STAT6: variants seen among roughly 807,000 people sequenced by gnomAD.
STAT6 encodes the protein signal transducer and activator of transcription 6, also known as STAT, interleukin4-induced.
In STAT6, 45 loss-of-function variants were observed where a neutral mutation model predicts 106.3. The ratio of observed to expected loss-of-function variants is 0.42; its 90% CI spans 0.33 to 0.54. The LOEUF (loss-of-function observed/expected upper bound fraction) is 0.54, where lower values mean the gene tolerates loss of function less well. Ranked by LOEUF, STAT6 falls within the 20% of genes least tolerant of loss-of-function variation. STAT6 has a pLI of 0.06. For synonymous variants in STAT6, 413 were observed against 413.6 expected (o/e 1.00, Z 0.02); for missense variants, 797 against 1,062.2 (o/e 0.75, Z 3.47).
chr12:57,107,659 C>G lies in STAT6; in HGVS notation c.201G>C (p.Ser67=), dbSNP rs765943522. 1.9e-6 allele frequency: 3 copies of G among 1,614,152 alleles called. No homozygotes were observed. Among genetic ancestry groups the G allele is most frequent in the East Asian group, 2.2e-5 (1 of 44,882 alleles). Residue 67 remains serine (S), a synonymous_variant, in exon 3 of 22, where the codon TCG becomes TCC. Coordinates refer to ENST00000300134, the MANE Select transcript of STAT6 (RefSeq NM_003153.5). ...LSDTVQHLQA[S]VGEQGEGSTI... ...TGCTCCCCTCCCCCTGCTCTCCCAC[C>G]GAGGCCTGAAGGTGCTGGACAGTGT...
At chr12:57,100,718 GAAAGAAAGAA>G (rs2033855400) in intron 13 of STAT6, 1 of 105,524 alleles carries the variant, frequency 9.5e-6, no homozygotes, top group African/African-American at 5.0e-5. Flanking sequence ...AAGAAAGAAA[GAAAGAAAGAA>G]AGAAAGAAAG....
chr12:57,099,990 A>G lies in STAT6; in HGVS notation c.1607+6T>C, dbSNP rs1370391318. 1 of 1,613,744 alleles carries G rather than the reference A, an allele frequency of 6.2e-7. No individual in the cohort carries two copies. The highest frequency in any genetic ancestry group is 1.3e-5 in the African/African-American group (1 of 74,916). The stretch of plus-strand genomic sequence containing the variant: ...GCTGCTCAGACTACCCAGGGTGGGG[A>G]CTCACCGGTCAGACCAGTAGCTCCG... On this transcript the variant is annotated splice_donor_region_variant and intron_variant, in intron 14 of 21. Coordinates refer to ENST00000300134, the MANE Select transcript of STAT6 (RefSeq NM_003153.5). The surrounding 1 kb of genome is among the most constrained non-coding windows in gnomAD (Gnocchi z 4.7).
intron 17 of STAT6, 39 bp downstream of exon 17, chr12:57,098,976 A>G (rs2033641504): frequency 1.2e-6 from 2 of 1,613,910 alleles, no homozygotes; most frequent in East Asian, 4.5e-5. Flanking sequence ...ATAAGCACTA[A>G]GCCCCTGACC....
At position 57,096,377 on chromosome 12, in the gene STAT6, G is replaced by T; in HGVS notation, c.*195C>A. 5 of 603,956 alleles carry T rather than the reference G, an allele frequency of 8.3e-6. No individual in the cohort carries two copies. Among genetic ancestry groups the T allele is most frequent in the Non-Finnish European group, 1.5e-5 (5 of 344,582 alleles). 37.4% of individuals were successfully genotyped at this position (603,956 alleles called of 1,614,324 possible). A position where few individuals can be genotyped will look rare whatever the true frequency, so the allele number is the denominator to read the frequency against. ...GCTGGAAGGAGGTGGGCAGGGGAATGATAGAAAGGAAGGAGTGGATTGGCT... is the reference window on the plus strand; with the variant it reads ...GCTGGAAGGAGGTGGGCAGGGGAATTATAGAAAGGAAGGAGTGGATTGGCT... On this transcript the variant is annotated 3_prime_UTR_variant, in exon 22 of 22. Transcript: ENST00000300134.
intron 11 of STAT6, chr12:57,104,174 G>T: frequency 2.5e-6 from 1 of 400,934 alleles, no homozygotes; most frequent in Non-Finnish European, 4.6e-6. Context: ...TAATGTTATT[G>T]TGAAAACCAG....
chr12:57,110,531 A>G (rs1446803724), intron 1 of STAT6: 2 of 152,210 alleles, frequency 1.3e-5, no homozygotes, highest in Admixed American at 6.5e-5. Flanking sequence ...TGAGTTGCCC[A>G]ATGCGTGAAT....
chr12:57,107,453 G>A, intron 3 of STAT6, 139 bp from the exon 4 acceptor site: 2 of 1,314,866 alleles, frequency 1.5e-6, no homozygotes, highest in Non-Finnish European at 2.1e-6. Context: ...GCATTTGCAT[G>A]CTTTTAAAAT....
intron 11 of STAT6, chr12:57,103,218 G>A (rs745401745): frequency 7.9e-5 from 18 of 226,948 alleles, no homozygotes; most frequent in Admixed American, 3.7e-4. Context: ...AGGCTGGAGT[G>A]CAGTGGCGCG....
At position 57,105,272 on chromosome 12, in the gene STAT6, G is replaced by A. The variant is rs1208473672; in HGVS notation, c.880C>T (p.Arg294Ter). Residue 294 changes from arginine to a stop codon, truncating the protein, a stop_gained, in exon 9 of 22, where the codon CGA (arginine) becomes TGA (stop). Coordinates refer to ENST00000300134, the MANE Select transcript of STAT6 (RefSeq NM_003153.5). LOFTEE classifies it high-confidence loss of function. ...AGGAACCTCAAGCCCAACAGGAATC[G>A]AACTCCAGCCTGGAACTTGGTCTGA... ...KTQTKFQAGV[R>*]FLLGLRFLGA... 1.9e-6 allele frequency: 3 copies of A among 1,614,144 alleles called. No homozygotes were observed. The highest frequency in any genetic ancestry group is 2.5e-6 in the Non-Finnish European group (3 of 1,180,026).
chr12:57,105,267 G>A lies in STAT6; in HGVS notation c.885C>T (p.Phe295=), dbSNP rs1044356890. Residue 295 remains phenylalanine (F), a synonymous_variant, in exon 9 of 22, where the codon TTC becomes TTT. Coordinates refer to ENST00000300134, the MANE Select transcript of STAT6 (RefSeq NM_003153.5). Reference sequence around the variant, plus strand: ...CCCCCAGGAACCTCAAGCCCAACAGGAATCGAACTCCAGCCTGGAACTTGG... The same window carrying A: ...CCCCCAGGAACCTCAAGCCCAACAGAAATCGAACTCCAGCCTGGAACTTGG... ...TQTKFQAGVR[F]LLGLRFLGAP... 6.2e-7 allele frequency: 1 copy of A among 1,614,010 alleles called. No individual in the cohort carries two copies. The highest frequency in any genetic ancestry group is 8.5e-7 in the Non-Finnish European group (1 of 1,180,026).
Position 57,110,730 on chromosome 12 carries a change from G to C in STAT6, c.-22+399C>G, listed in dbSNP as rs538929518. Among the ~76,000 whole-genome samples, 3 of 152,230 alleles carry C rather than the reference G, an allele frequency of 2.0e-5. No homozygotes were observed. In the South Asian group the frequency reaches 6.2e-4, roughly 32 times the overall value. On this transcript the variant is annotated intron_variant, in intron 1 of 21. Transcript: ENST00000300134. ...TTGCTCACGCCCCAGCCACACCCTT[G>C]AACAGGAACCTTTAGTGGAGGGCAG...
At chr12:57,100,680 GAA>G (rs1175094167) in intron 13 of STAT6, among the ~76,000 whole-genome samples, 59 of 56,512 alleles carry the variant, frequency 1.0e-3, no homozygotes, top group East Asian at 1.7e-3. Context: ...AAGAAAGAAA[GAA>G]AGAAAGAAAG....
rs537533513 is a variant in STAT6 at position 57,096,552 on chromosome 12, G to C, written c.*20C>G. On this transcript the variant is annotated 3_prime_UTR_variant, in exon 22 of 22. Coordinates refer to ENST00000300134, the MANE Select transcript of STAT6 (RefSeq NM_003153.5). ...GGGTAGTAGAAGAGCTGTCTCTTTGGGTTCTCCCTCCAGCTGGGATCACCA... is the reference window on the plus strand; with the variant it reads ...GGGTAGTAGAAGAGCTGTCTCTTTGCGTTCTCCCTCCAGCTGGGATCACCA... 1.3e-6 allele frequency: 2 copies of C among 1,556,920 alleles called. No individual in the cohort carries two copies. The highest frequency in any genetic ancestry group is 1.7e-6 in the Non-Finnish European group (2 of 1,154,842).
At position 57,108,210 on chromosome 12, in the gene STAT6, G is replaced by A. The variant is rs772021515; in HGVS notation, c.69C>T (p.Pro23=). The A allele has an allele frequency of 9.9e-6, 16 of 1,612,928 alleles. No homozygotes were observed. The highest frequency in any genetic ancestry group is 2.2e-5 in the East Asian group (1 of 44,898). The change falls in exon 2 of 22, where the codon CCC becomes CCT. Residue 23 remains proline, a synonymous_variant. Transcript: ENST00000300134. ...CACCCAGAAGATGCCGCAGGTGTTG[G>A]GGAAAGTCGACATAGAGCCGCTGCA... is the stretch of plus-strand genomic sequence containing the variant. ...EKVQRLYVDF[P]QHLRHLLGDW...
intron 5 of STAT6, 27 bp from the exon 6 acceptor site, chr12:57,106,607 G>T: frequency 6.2e-7 from 1 of 1,614,040 alleles, no homozygotes; most frequent in Non-Finnish European, 8.5e-7. Context: ...GAAATCAAGG[G>T]TGCAGACAGA....
Position 57,104,764 on chromosome 12 carries a change from T to C in STAT6, c.1051A>G (p.Ile351Val). The C allele has an allele frequency of 6.2e-7, 1 of 1,614,134 alleles. No individual in the cohort carries two copies. Among genetic ancestry groups the C allele is most frequent in the Non-Finnish European group, 8.5e-7 (1 of 1,180,006 alleles). The change falls in exon 10 of 22, where the codon ATT (isoleucine) becomes GTT (valine). Residue 351 changes from isoleucine (I) to valine (V), a missense_variant. By Grantham distance (29) the Ile-to-Val change is conservative. Around this residue, in one of 4 missense-constraint regions of STAT6, gnomAD observed 336 missense variants for 429.8 expected, o/e 0.78. Coordinates refer to ENST00000300134, the MANE Select transcript of STAT6 (RefSeq NM_003153.5). ...INNTVPLENS[I>V]PGNCCSALFK... ...AGGGCAGAGCAGCAGTTCCCAGGAA[T>C]GCTGTTCTCCAAGGGCACAGTGTTG...
intron 7 of STAT6, 176 bp from the exon 8 acceptor site, chr12:57,105,775 T>C (rs1178624215): frequency 5.3e-5 from 61 of 1,140,484 alleles, no homozygotes; most frequent in Non-Finnish European, 7.1e-5. Context: ...TGGCCTAGGG[T>C]CTGGGTGGGA....
chr12:57,108,265 C>T lies in STAT6; in HGVS notation c.14G>A (p.Gly5Asp). Residue 5 changes from glycine to aspartate, a missense_variant, in exon 2 of 22, where the codon GGT (glycine) becomes GAT (aspartate). This residue lies in a region of STAT6 where 336 missense variants were observed against 429.8 expected (regional missense o/e 0.78). Coordinates refer to ENST00000300134, the MANE Select transcript of STAT6 (RefSeq NM_003153.5). MSLW[G>D]LVSKMPPEKV... ...TTCTGGGGGCATCTTGGAGACCAGA[C>T]CCCACAGAGACATGATCTGGGACTT... 6.2e-7 allele frequency: 1 copy of T among 1,608,564 alleles called. No homozygotes were observed. Among genetic ancestry groups the T allele is most frequent in the Admixed American group, 1.7e-5 (1 of 59,640 alleles).
In STAT6 at chr12:57,100,006, A is replaced by T. The variant is rs2033716869; in HGVS notation, c.1597T>A (p.Trp533Arg). 1 of 1,613,620 alleles carries T rather than the reference A, an allele frequency of 6.2e-7. No homozygotes were observed. The highest frequency in any genetic ancestry group is 1.3e-5 in the African/African-American group (1 of 74,928). Residue 533 changes from tryptophan (W) to arginine (R), a missense_variant, in exon 14 of 22, where the codon TGG becomes AGG. Trp to Arg is a moderately radical substitution (Grantham distance 101, BLOSUM62 -3). This residue lies in a region of STAT6 where 222 missense variants were observed against 354.6 expected (regional missense o/e 0.63). Coordinates refer to ENST00000300134, the MANE Select transcript of STAT6 (RefSeq NM_003153.5). ...DLTKRCLRSY[W>R]SDRLIIGFIS... ...AGGGTGGGGACTCACCGGTCAGACC[A>T]GTAGCTCCGGAGACAGCGTTTGGTG...
Sources: gnomAD v4.1 joint callset for allele counts (sites outside exome capture counted in the v4.1 genomes callset) on GRCh38, gnomAD v4.1.1 for gene constraint, gnomAD v4.1.1 regional missense constraint, Gnocchi (gnomAD v3.1) non-coding constraint, MANE v1.5 for transcripts, NCBI Gene and HGNC (gene_info 2026-07-23, HGNC 2026-07-21) for gene names.